The following FMNL3 variants were observed in gnomAD, a reference collection of about 807,000 sequenced individuals.
FMNL3 encodes formin-like protein 3.
A neutral mutation model predicts 119.6 loss-of-function variants in FMNL3; 57 were observed. The observed-to-expected ratio is 0.48, with a 90% CI of 0.39 to 0.59. The LOEUF is 0.59. Among genes scored for constraint, FMNL3 ranks in the 20% least tolerant of loss-of-function variants. FMNL3 has a pLI of 0.00. For missense variants in FMNL3, 1,053 were observed against 1,323.5 expected, an observed-to-expected ratio of 0.80 and a Z score of 3.17; for synonymous variants, 491 against 507.3, an observed-to-expected ratio of 0.97 and a Z score of 0.43.
intron 1 of FMNL3, among the ~76,000 whole-genome samples, chr12:49,677,551 T>TA (rs1944223940): frequency 6.6e-6 from 1 of 152,262 alleles, no homozygotes; most frequent in Non-Finnish European, 1.5e-5. Context: ...AGAACCTATA[T>TA]AGTAAATATT....
chr12:49,650,613 C>T, intron 17 of FMNL3, 63 bp downstream of exon 17: 3 of 1,578,228 alleles, frequency 1.9e-6, no homozygotes, highest in African/African-American at 1.3e-5. Context: ...AACCCAGGCT[C>T]CTGGGTGGAG....
chr12:49,707,037 G>A lies in FMNL3; in HGVS notation c.126+18C>T. The A allele has an allele frequency of 6.4e-7, 1 of 1,566,386 alleles. No homozygotes were observed. Among genetic ancestry groups the A allele is most frequent in the Non-Finnish European group, 8.7e-7 (1 of 1,155,896 alleles). On this transcript the variant is annotated intron_variant, in intron 1 of 25. Coordinates refer to ENST00000335154, the MANE Select transcript of FMNL3 (RefSeq NM_175736.5). ...TGAGGGGCGGTACGCGGGGGAAGGG[G>A]CTGGGCTCAGCTCTCACCAGCACCA...
intron 2 of FMNL3, among the ~76,000 whole-genome samples, chr12:49,667,245 G>C (rs561432838): frequency 8.9e-4 from 136 of 152,144 alleles, no homozygotes; most frequent in Non-Finnish European, 1.8e-3. Context: ...TATAATGTTA[G>C]AGAGTAGGAC....
chr12:49,655,021 C>A, intron 9 of FMNL3, 37 bp from the exon 10 acceptor site: 1 of 1,593,486 alleles, frequency 6.3e-7, no homozygotes, highest in South Asian at 1.1e-5. Flanking sequence ...AGGATCTGCT[C>A]CATGCAGAAC....
chr12:49,649,132 C>G lies in FMNL3; in HGVS notation c.2412G>C (p.Arg804=), dbSNP rs1302380901. The G allele has an allele frequency of 6.2e-7, 1 of 1,613,624 alleles. No individual in the cohort carries two copies. The part of the protein sequence containing the change: ...DLLLDTKSTD[R]KMTLLHFIAL... ...CGATGAAATGAAGCAGTGTCATCTT[C>G]CGGTCAGTGGACTTGGTATCCAGCA... Residue 804 remains arginine (R), a synonymous_variant, in exon 21 of 26, where the codon CGG becomes CGC. Transcript: ENST00000335154. The surrounding 1 kb of genome is among the most constrained non-coding windows in gnomAD (Gnocchi z 5.6).
In FMNL3 at chr12:49,644,405, C is replaced by T. The variant is rs1565858721; in HGVS notation, c.*1410G>A. The T allele has an allele frequency of 3.6e-5, 21 of 586,866 alleles. No individual in the cohort carries two copies. The South Asian group carries it at 4.1e-4, about 11-fold the overall frequency. The allele number at this position is 586,866 out of a possible 1,614,324, so 36.4% of individuals were successfully genotyped here. ...GGACTAGTGCAGTCCTTGCCCTCAG[C>T]CCCAGACCAGAGATGGGTGGTATAT... On this transcript the variant is annotated 3_prime_UTR_variant, in exon 26 of 26. Coordinates refer to ENST00000335154, the MANE Select transcript of FMNL3 (RefSeq NM_175736.5).
At chr12:49,677,201 A>T (rs997382692) in intron 1 of FMNL3, among the ~76,000 whole-genome samples, 6 of 152,224 alleles carry the variant, frequency 3.9e-5, no homozygotes, top group African/African-American at 1.4e-4. Context: ...GTCTCTGCAC[A>T]TTTACTAATT....
At chr12:49,690,840 T>A (rs1944582161) in intron 1 of FMNL3, among the ~76,000 whole-genome samples, 2 of 152,012 alleles carry the variant, frequency 1.3e-5, no homozygotes, top group African/African-American at 4.8e-5. Context: ...AAGGCAGGAG[T>A]GCGAGACCAG....
intron 10 of FMNL3, 63 bp from the exon 11 acceptor site, chr12:49,654,365 G>C (rs1943505275): frequency 2.9e-6 from 4 of 1,356,304 alleles, no homozygotes; most frequent in Non-Finnish European, 4.2e-6. Flanking sequence ...AAGAGACCAG[G>C]AGGATAGGCG....
chr12:49,649,314 A>G lies in FMNL3; in HGVS notation c.2330T>C (p.Met777Thr). The G allele has an allele frequency of 6.2e-7, 1 of 1,614,116 alleles. No homozygotes were observed. The highest frequency in any genetic ancestry group is 8.5e-7 in the Non-Finnish European group (1 of 1,180,024). The change falls in exon 20 of 26, where the codon ATG (methionine) becomes ACG (threonine). Residue 777 changes from methionine (M) to threonine (T), a missense_variant. By Grantham distance (81) the Met-to-Thr change is moderately conservative. This residue lies in a region of FMNL3 where 324 missense variants were observed against 380.9 expected (regional missense o/e 0.85). Coordinates refer to ENST00000335154, the MANE Select transcript of FMNL3 (RefSeq NM_175736.5). The surrounding 1 kb of genome is among the most constrained non-coding windows in gnomAD (Gnocchi z 5.6). The stretch of plus-strand genomic sequence containing the variant: ...CACAGCTCCCCGCTTGCTGCTGTTC[A>G]TGTAGTTCCCCAGTGCAAGTATGAT... ...LEIILALGNY[M>T]NSSKRGAVYG...
chr12:49,676,520 GTTTTTTTT>G (rs58117011), intron 1 of FMNL3, among the ~76,000 whole-genome samples: 62 of 103,012 alleles, frequency 6.0e-4, no homozygotes, highest in Middle Eastern at 4.8e-3. Context: ...TTCATAGTGG[GTTTTTTTT>G]TTTTTTTTTT....
Position 49,637,975 on chromosome 12 carries a change from G to C in FMNL3, c.*7840C>G. On this transcript the variant is annotated 3_prime_UTR_variant, in exon 26 of 26. Transcript: ENST00000335154. ...TCCTTTACTGCACACTAGGGATACA[G>C]TAATGAATACACAATTTCTACCACA... 1.6e-6 allele frequency: 1 copy of C among 625,588 alleles called. No individual in the cohort carries two copies. Among genetic ancestry groups the C allele is most frequent in the East Asian group, 2.8e-5 (1 of 36,240 alleles). The allele number at this position is 625,588 out of a possible 1,614,324, so 38.8% of individuals were successfully genotyped here. A position where few individuals can be genotyped will look rare whatever the true frequency, so the allele number is the denominator to read the frequency against.
rs1357565181 is a variant in FMNL3, at chr12:49,707,064, G to A, written c.117C>T (p.Ala39=). ...TGGGCTCAGCTCTCACCAGCACCAG[G>A]GCGAACCTTTCCTCCAGCTCACAGG... ...PEPCELEERF[A]LVLSSMNLPP... is the part of the protein sequence containing the mutation. The change falls in exon 1 of 26, where the codon GCC becomes GCT. Residue 39 remains alanine, a synonymous_variant. Transcript: ENST00000335154. The A allele has an allele frequency of 6.3e-7, 1 of 1,584,864 alleles. No homozygotes were observed. Among genetic ancestry groups the A allele is most frequent in the Non-Finnish European group, 8.6e-7 (1 of 1,166,830 alleles).
chr12:49,648,520 G>C (rs529518423), intron 21 of FMNL3, among the ~76,000 whole-genome samples, 167 bp from the exon 22 acceptor site: 1 of 151,808 alleles, frequency 6.6e-6, no homozygotes, highest in Admixed American at 6.6e-5. Flanking sequence ...TCCCTCACAG[G>C]GGGAGGGAAT....
chr12:49,647,868 G>T lies in FMNL3; in HGVS notation c.2677-64C>A. The T allele has an allele frequency of 7.7e-7, 1 of 1,290,536 alleles. No individual in the cohort carries two copies. Among genetic ancestry groups the T allele is most frequent in the Non-Finnish European group, 1.1e-6 (1 of 894,050 alleles). 79.9% of individuals were successfully genotyped at this position (1,290,536 alleles called of 1,614,324 possible). On this transcript the variant is annotated intron_variant, in intron 22 of 25. Transcript: ENST00000335154. The surrounding 1 kb of genome is among the most constrained non-coding windows in gnomAD (Gnocchi z 4.9). The stretch of plus-strand genomic sequence containing the variant: ...AAGATCAGCCCAGCTCCCACACCAC[G>T]GATGAGAGGCCTGCAGAAAGCAGAG...
At chr12:49,654,014 C>G in intron 11 of FMNL3, 140 bp from the exon 12 acceptor site, 1 of 1,322,506 alleles carries the variant, frequency 7.6e-7, no homozygotes, top group Non-Finnish European at 1.0e-6. Flanking sequence ...CAGATTCTCG[C>G]CCCCATGGAG....
chr12:49,700,826 T>A (rs9804867), intron 1 of FMNL3, among the ~76,000 whole-genome samples: 3,372 of 150,172 alleles, frequency 0.022, 134 homozygotes, highest in African/African-American at 0.078. Flanking sequence ...ACACCTGTAA[T>A]CCCAGCACTT....
At chr12:49,662,846 T>C (rs1173916082) in intron 4 of FMNL3, among the ~76,000 whole-genome samples, 1 of 152,222 alleles carries the variant, frequency 6.6e-6, no homozygotes, top group Non-Finnish European at 1.5e-5. Context: ...AGGGCAAATC[T>C]AGGGAACTGT....
intron 14 of FMNL3, 122 bp downstream of exon 14, chr12:49,651,811 C>G: frequency 7.0e-7 from 1 of 1,433,378 alleles, no homozygotes; most frequent in Non-Finnish European, 9.2e-7. Context: ...GATTTTATAT[C>G]CCTCCAAGTC....
Sources: allele counts gnomAD v4.1 joint callset (sites outside exome capture counted in the v4.1 genomes callset), GRCh38; gene constraint gnomAD v4.1.1; regional missense constraint gnomAD v4.1.1; non-coding constraint Gnocchi (gnomAD v3.1); transcripts MANE v1.5; gene names NCBI Gene and HGNC (gene_info 2026-07-23, HGNC 2026-07-21).